The following CBR4 variants were observed in gnomAD, a reference collection of about 807,000 sequenced individuals.
CBR4 encodes the protein carbonyl reductase 4.
CBR4 carries 22 observed loss-of-function variants against 21.0 expected under a neutral mutation model. The observed-to-expected ratio is 1.05, with a 90% CI of 0.75 to 1.50. The LOEUF is 1.50. CBR4 is among the 40% of genes most tolerant of loss of function. The probability of loss-of-function intolerance (pLI) is 0.00; values close to 1 mark genes in which losing one functional copy is unlikely to be tolerated. For missense variants in CBR4, 302 were observed against 286.3 expected, an observed-to-expected ratio of 1.05 and a Z score of -0.40; for synonymous variants, 100 against 104.4, an observed-to-expected ratio of 0.96 and a Z score of 0.26.
At chr4:168,939,928 GA>G (rs749206280) in intron 2 of CBR4, among the ~76,000 whole-genome samples, 5 of 152,074 alleles carry the variant, frequency 3.3e-5, no homozygotes, top group Non-Finnish European at 7.4e-5. Flanking sequence ...CACAGAATTA[GA>G]AAAAACTACT....
At chr4:168,978,663 T>C (rs1263647103) in intron 2 of CBR4, among the ~76,000 whole-genome samples, 1 of 152,176 alleles carries the variant, frequency 6.6e-6, no homozygotes, top group Non-Finnish European at 1.5e-5. Flanking sequence ...GTGTGGAGTG[T>C]GCCACTCAGG....
chr4:168,927,795 C>T (rs759938524), intron 2 of CBR4: 3 of 214,760 alleles, frequency 1.4e-5, no homozygotes, highest in Admixed American at 5.8e-5. Flanking sequence ...AAGTCGGAAC[C>T]GATAAATTTT....
rs1178245756 is a variant in CBR4, at chr4:169,006,826, C to A, written c.329G>T (p.Gly110Val). The change falls in exon 3 of 5, where the codon GGT becomes GTT. Residue 110 changes from glycine (G) to valine (V), a missense_variant. Gly to Val is a moderately radical substitution (Grantham distance 109, BLOSUM62 -3). Coordinates refer to ENST00000306193, the MANE Select transcript of CBR4 (RefSeq NM_032783.5). ...GGCAGCTTTACAGGTCAGCATGGAACCCAAGAGGTTAGTATGAAGCTGAGA... is the reference window on the plus strand; with the variant it reads ...GGCAGCTTTACAGGTCAGCATGGAAACCAAGAGGTTAGTATGAAGCTGAGA... ...MVSQLHTNLL[G>V]SMLTCKAAMR... is the part of the protein sequence containing the mutation. The A allele has an allele frequency of 3.7e-6, 6 of 1,613,056 alleles. No homozygotes were observed. The highest frequency in any genetic ancestry group is 4.2e-6 in the Non-Finnish European group (5 of 1,179,056).
chr4:168,919,785 C>T (rs1016718457), intron 2 of CBR4, among the ~76,000 whole-genome samples: 6 of 152,126 alleles, frequency 3.9e-5, no homozygotes, highest in African/African-American at 1.4e-4. Context: ...TCACTATTTT[C>T]ATGTGTGCTG....
intron 4 of CBR4, among the ~76,000 whole-genome samples, chr4:168,996,716 C>A (rs943261097): frequency 6.6e-6 from 1 of 152,078 alleles, no homozygotes; most frequent in Admixed American, 6.6e-5. Context: ...CTTTTTAAAA[C>A]TCATGTATCT....
chr4:168,904,390 ATT>A (rs1333007550), intron 2 of CBR4: 5 of 160,414 alleles, frequency 3.1e-5, no homozygotes, highest in African/African-American at 1.2e-4. Context: ...TTTTGATAGC[ATT>A]CAGGTTTATC....
At chr4:168,958,342 G>C (rs1763748068) in intron 2 of CBR4, among the ~76,000 whole-genome samples, 1 of 150,962 alleles carries the variant, frequency 6.6e-6, no homozygotes, top group Non-Finnish European at 1.5e-5. Flanking sequence ...ACTCTTTTTT[G>C]AATCTGGCTT....
intron 2 of CBR4, among the ~76,000 whole-genome samples, chr4:168,963,107 C>G (rs931411986): frequency 9.9e-5 from 15 of 152,118 alleles, no homozygotes; most frequent in Non-Finnish European, 2.1e-4. Flanking sequence ...ATTTCAAAAT[C>G]CATGTTCATT....
intron 4 of CBR4, among the ~76,000 whole-genome samples, chr4:168,996,960 T>C (rs1321806326): frequency 6.6e-6 from 1 of 152,168 alleles, no homozygotes; most frequent in Admixed American, 6.5e-5. Flanking sequence ...GAGAGATTAA[T>C]AGTCCTTAAA....
chr4:168,949,844 G>A (rs1449767358), intron 2 of CBR4, among the ~76,000 whole-genome samples: 1 of 152,058 alleles, frequency 6.6e-6, no homozygotes, highest in Non-Finnish European at 1.5e-5. Context: ...TAAGCTAGGA[G>A]GGTTGTATTT....
rs117139449 is a variant in CBR4 at position 168,908,549 on chromosome 4, A to G, written n.170-13784T>C. On this transcript the variant is annotated intron_variant and non_coding_transcript_variant, in intron 2 of 3. Transcript: ENST00000509108. ...TTCAAGATATAGTAATCCCAAAAGCATAAAGTGTAGTTGACAGAAAACTGA... is the reference window on the plus strand; with the variant it reads ...TTCAAGATATAGTAATCCCAAAAGCGTAAAGTGTAGTTGACAGAAAACTGA... Among the ~76,000 whole-genome samples, 32 of 152,348 alleles carry G rather than the reference A, an allele frequency of 2.1e-4. No individual in the cohort carries two copies. In the East Asian group the frequency reaches 5.4e-3, roughly 26 times the overall value.
chr4:168,999,113 T>C (rs936621902), intron 4 of CBR4, among the ~76,000 whole-genome samples: 1 of 152,170 alleles, frequency 6.6e-6, no homozygotes, highest in Non-Finnish European at 1.5e-5. Flanking sequence ...ATATTTAAAG[T>C]AATACCAAAG....
At chr4:168,908,403 G>C (rs1758251173) in intron 2 of CBR4, among the ~76,000 whole-genome samples, 1 of 151,882 alleles carries the variant, frequency 6.6e-6, no homozygotes. Context: ...TAGAATCTCA[G>C]CTTTACAACA....
chr4:168,899,655 G>A (rs1045206716), intron 2 of CBR4, among the ~76,000 whole-genome samples: 8 of 152,124 alleles, frequency 5.3e-5, no homozygotes, highest in African/African-American at 1.4e-4. Context: ...GGTGGCTCAC[G>A]CCTGTAATCC....
At chr4:169,009,059 CAAAA>C (rs34403282) in intron 1 of CBR4, 86 of 359,530 alleles carry the variant, frequency 2.4e-4, no homozygotes, top group Admixed American at 7.7e-4. Flanking sequence ...GAAGCCCTCT[CAAAA>C]AAAAAAAAAA....
At chr4:168,919,656 T>C (rs901812025) in intron 2 of CBR4, among the ~76,000 whole-genome samples, 7 of 152,328 alleles carry the variant, frequency 4.6e-5, no homozygotes, top group African/African-American at 1.7e-4. Flanking sequence ...CAGCTTGCTT[T>C]TCCTCCAAAA....
At chr4:169,006,544 G>T (rs1339539729) in intron 3 of CBR4, among the ~76,000 whole-genome samples, 2 of 152,156 alleles carry the variant, frequency 1.3e-5, no homozygotes, top group East Asian at 3.9e-4. Context: ...CTAGTACTCA[G>T]TGGTGTCACT....
chr4:168,920,942 T>C lies in CBR4; in HGVS notation n.170-26177A>G, dbSNP rs138982522. 7.4e-4 allele frequency among the ~76,000 whole-genome samples: 113 copies of C among 152,254 alleles called. 1 individual carries two copies. The East Asian group carries it at 0.011, about 15-fold the overall frequency. On this transcript the variant is annotated intron_variant and non_coding_transcript_variant, in intron 2 of 3. Transcript: ENST00000509108. The stretch of plus-strand genomic sequence containing the variant: ...CCTGGTGCTGATATCATCCCATTAA[T>C]CTCCATAGCCCTGGGCAAGGTAAGA...
chr4:168,913,853 G>A, intron 2 of CBR4: 1 of 961,568 alleles, frequency 1.0e-6, no homozygotes, highest in South Asian at 1.3e-5. Context: ...TAGAGAATAG[G>A]ACAGTAGGCA....
Sources: gnomAD v4.1 joint callset for allele counts (sites outside exome capture counted in the v4.1 genomes callset) on GRCh38, gnomAD v4.1.1 for gene constraint, MANE v1.5 for transcripts, NCBI Gene and HGNC (gene_info 2026-07-23, HGNC 2026-07-21) for gene names.